Variants in HDHD5 observed in about 807,000 individuals in gnomAD.
The protein encoded by HDHD5 is haloacid dehalogenase like hydrolase domain containing 5, also known as haloacid dehalogenase-like hydrolase domain-containing 5.
Under a neutral mutation model 35.5 loss-of-function variants are expected in HDHD5, and 34 were observed. The observed-to-expected ratio is 0.96, with a 90% CI of 0.73 to 1.28. The LOEUF (loss-of-function observed/expected upper bound fraction) is 1.28. Ranked by LOEUF, HDHD5 falls within the 50% of genes most tolerant of loss-of-function variation. The pLI is 0.00. For synonymous variants in HDHD5, 248 were observed against 240.6 expected (o/e 1.03, Z -0.29); for missense variants, 589 against 560.2 (o/e 1.05, Z -0.52).
At chr22:17,150,430 T>C (rs2061713104) in intron 1 of HDHD5, among the ~76,000 whole-genome samples, 1 of 152,202 alleles carries the variant, frequency 6.6e-6, no homozygotes, top group Non-Finnish European at 1.5e-5. Context: ...TATAAATCTA[T>C]AGTATACACA....
chr22:17,153,939 T>A (rs2061756244), intron 1 of HDHD5, among the ~76,000 whole-genome samples: 1 of 151,928 alleles, frequency 6.6e-6, no homozygotes, highest in African/African-American at 2.4e-5. Context: ...CACCGCAACC[T>A]CCATCACCTG....
intron 1 of HDHD5, among the ~76,000 whole-genome samples, chr22:17,156,607 T>G (rs1214602201): frequency 6.6e-6 from 1 of 152,018 alleles, no homozygotes; most frequent in Non-Finnish European, 1.5e-5. Context: ...AAACCCCATC[T>G]CTACTAAAAA....
chr22:17,161,489 G>A (rs2061863585), upstream of HDHD5, among the ~76,000 whole-genome samples: 2 of 151,946 alleles, frequency 1.3e-5, no homozygotes, highest in African/African-American at 4.8e-5. Flanking sequence ...AACCTGGGAA[G>A]CAGAGGTTGC....
At chr22:17,159,484 C>T (rs766009994), upstream of HDHD5, 2 of 499,396 alleles carry the variant, frequency 4.0e-6, no homozygotes, top group African/African-American at 2.0e-5. Flanking sequence ...GGTGAGCTGG[C>T]CGCGGCGCAC....
chr22:17,150,479 T>C (rs1463590234), intron 1 of HDHD5, among the ~76,000 whole-genome samples: 1 of 152,144 alleles, frequency 6.6e-6, no homozygotes, highest in East Asian at 1.9e-4. Context: ...TCATGTTGAC[T>C]TTGTTTTCCA....
At chr22:17,144,889 A>T in intron 4 of HDHD5, 135 bp downstream of exon 4, 1 of 1,075,814 alleles carries the variant, frequency 9.3e-7, no homozygotes, top group Non-Finnish European at 1.4e-6. Context: ...CAAAACCCTT[A>T]GCCAGATGTG....
chr22:17,156,456 C>T (rs1275903274), intron 1 of HDHD5, among the ~76,000 whole-genome samples: 1 of 150,190 alleles, frequency 6.7e-6, no homozygotes, highest in Non-Finnish European at 1.5e-5. Context: ...ACCAAAGATA[C>T]AAAAAATTAG....
rs1399234587 is a variant in HDHD5, at chr22:17,141,231, C to A, written c.574G>T (p.Val192Leu). 15 of 1,589,490 alleles carry A rather than the reference C, an allele frequency of 9.4e-6. No homozygotes were observed. Among genetic ancestry groups the A allele is most frequent in the Non-Finnish European group, 1.0e-5 (12 of 1,169,844 alleles). ...PRNDFPRIEG[V>L]LLLGEPVRWE... ...CGGACCGGCTCCCCTAGGAGGAGCA[C>A]CCCTTTAAAGAACAGAGGCGCAGGT... is the stretch of plus-strand genomic sequence containing the variant. Residue 192 changes from valine (V) to leucine (L), a missense_variant and splice_region_variant, in exon 6 of 8, where the codon GTG (valine) becomes TTG (leucine). Coordinates refer to ENST00000336737, the MANE Select transcript of HDHD5 (RefSeq NM_033070.3).
At position 17,138,049 on chromosome 22, in the gene HDHD5, A is replaced by T; in HGVS notation, c.1244T>A (p.Phe415Tyr). 3.7e-6 allele frequency: 6 copies of T among 1,613,208 alleles called. No individual in the cohort carries two copies. Among genetic ancestry groups the T allele is most frequent in the Non-Finnish European group, 5.1e-6 (6 of 1,179,292 alleles). Residue 415 changes from phenylalanine to tyrosine, a missense_variant, in exon 8 of 8, where the codon TTC becomes TAC. Physicochemically the swap from Phe to Tyr is conservative, Grantham distance 22. Transcript: ENST00000336737. Reference protein sequence around the residue: ...NDVNEAVQLVFRKEGWALE With the variant: ...NDVNEAVQLVYRKEGWALE The stretch of plus-strand genomic sequence containing the variant: ...CTCCAAAGCCCAGCCCTCCTTGCGG[A>T]AGACCAGCTGCACAGCCTCATTCAC...
upstream of HDHD5, among the ~76,000 whole-genome samples, chr22:17,160,230 G>C (rs2061853799): frequency 6.6e-6 from 1 of 152,174 alleles, no homozygotes; most frequent in African/African-American, 2.4e-5. Flanking sequence ...CACATTAGCA[G>C]GCCAGGGTGC....
chr22:17,155,243 TTTTTG>T (rs1278318819), intron 1 of HDHD5, among the ~76,000 whole-genome samples: 2 of 151,876 alleles, frequency 1.3e-5, no homozygotes, highest in African/African-American at 4.8e-5. Context: ...TTTTTTTTTT[TTTTTG>T]TTTGGTTGGT....
chr22:17,144,140 C>T (rs2061630462), intron 4 of HDHD5, among the ~76,000 whole-genome samples: 1 of 152,234 alleles, frequency 6.6e-6, no homozygotes, highest in Non-Finnish European at 1.5e-5. Flanking sequence ...GGAAGGCCAG[C>T]CAGTAAGTCT....
At chr22:17,160,617 C>T (rs2061856320), upstream of HDHD5, among the ~76,000 whole-genome samples, 1 of 150,794 alleles carries the variant, frequency 6.6e-6, no homozygotes, top group Non-Finnish European at 1.5e-5. Flanking sequence ...CCAATGCACT[C>T]CAGCCTGGGT....
chr22:17,151,706 G>A (rs1353641024), intron 1 of HDHD5, among the ~76,000 whole-genome samples: 2 of 133,620 alleles, frequency 1.5e-5, no homozygotes, highest in African/African-American at 5.8e-5. Context: ...CTTAAGCCTG[G>A]GCGACAAAGC....
Position 17,144,724 on chromosome 22 carries a change from A to G in HDHD5, c.537+300T>C, listed in dbSNP as rs1456288220. Among the ~76,000 whole-genome samples the G allele has an allele frequency of 2.7e-5, 4 of 149,332 alleles. No homozygotes were observed. The East Asian group carries it at 8.1e-4, about 30-fold the overall frequency. ...CCACCATGCCTGGACAATTTTTTAA[A>G]TTTTTTTGTAGAGACGGGGTCTCAC... On this transcript the variant is annotated intron_variant, in intron 4 of 7. Coordinates refer to ENST00000336737, the MANE Select transcript of HDHD5 (RefSeq NM_033070.3).
upstream of HDHD5, among the ~76,000 whole-genome samples, chr22:17,160,592 T>G (rs1270706617): frequency 1.3e-5 from 2 of 150,036 alleles, no homozygotes; most frequent in African/African-American, 4.9e-5. Context: ...GAAGTTGCAG[T>G]GAGCCGAGAT....
Position 17,138,615 on chromosome 22 carries a change from G to A in HDHD5, c.870C>T (p.Asp290=). The change falls in exon 7 of 8, where the codon GAC becomes GAT. Residue 290 remains aspartate (D), a synonymous_variant. Transcript: ENST00000336737. ...GCCTCTCCGCCTGTCGCCTGATCAG[G>A]TCCTCGGCATACTGGTAAGTGAGGA... ...PSILTYQYAE[D]LIRRQAERRG... 6.2e-7 allele frequency: 1 copy of A among 1,614,214 alleles called. No individual in the cohort carries two copies. Among genetic ancestry groups the A allele is most frequent in the Admixed American group, 1.7e-5 (1 of 60,016 alleles).
At chr22:17,153,221 C>T (rs1287489765) in intron 1 of HDHD5, among the ~76,000 whole-genome samples, 1 of 152,150 alleles carries the variant, frequency 6.6e-6, no homozygotes, top group South Asian at 2.1e-4. Flanking sequence ...CTCCAAATGG[C>T]CTTGCCTGGC....
intron 3 of HDHD5, 152 bp from the exon 4 acceptor site, chr22:17,145,269 T>C: frequency 5.8e-6 from 8 of 1,368,582 alleles, no homozygotes; most frequent in Non-Finnish European, 6.9e-6. Flanking sequence ...GCACAAATCC[T>C]GCAGGTGCTG....
Sources: gnomAD v4.1 joint callset for allele counts (sites outside exome capture counted in the v4.1 genomes callset) on GRCh38, gnomAD v4.1.1 for gene constraint, MANE v1.5 for transcripts, NCBI Gene and HGNC (gene_info 2026-07-23, HGNC 2026-07-21) for gene names.